TNRC6B: variants seen among roughly 807,000 people sequenced by gnomAD.
TNRC6B encodes the protein trinucleotide repeat-containing gene 6B protein.
TNRC6B carries 52 observed loss-of-function variants against 203.6 expected under a neutral mutation model. That is an observed-to-expected ratio of 0.26 (90% CI 0.20 to 0.32). TNRC6B has a LOEUF of 0.32. Among genes scored for constraint, TNRC6B ranks in the 10% least tolerant of loss-of-function variants. The pLI is 1.00. For synonymous variants in TNRC6B, 838 were observed against 845.7 expected, an observed-to-expected ratio of 0.99 and a Z score of 0.16; for missense variants, 1,923 against 2,286.2, an observed-to-expected ratio of 0.84 and a Z score of 3.24.
chr22:40,063,256 C>A (rs1314333511), intron 1 of TNRC6B, among the ~76,000 whole-genome samples: 1 of 152,162 alleles, frequency 6.6e-6, no homozygotes, highest in Non-Finnish European at 1.5e-5. Flanking sequence ...TTTGTAGATT[C>A]TCAATTCTAT....
intron 1 of TNRC6B, among the ~76,000 whole-genome samples, chr22:40,103,759 C>T (rs2146306996): frequency 6.6e-6 from 1 of 152,038 alleles, no homozygotes; most frequent in African/African-American, 2.4e-5. Flanking sequence ...TCTCCTGTCT[C>T]AGCCTCCCGA....
chr22:40,216,421 G>C (rs1434839857), intron 1 of TNRC6B, among the ~76,000 whole-genome samples: 1 of 151,972 alleles, frequency 6.6e-6, no homozygotes, highest in Non-Finnish European at 1.5e-5. Flanking sequence ...TTTTCTTGCT[G>C]CTGTGCCCCA....
intron 3 of TNRC6B, among the ~76,000 whole-genome samples, chr22:40,150,299 AC>A (rs2068738959): frequency 6.6e-6 from 1 of 152,110 alleles, no homozygotes; most frequent in Non-Finnish European, 1.5e-5. Flanking sequence ...AATGGCGTGA[AC>A]CCGGAAGGCA....
chr22:40,165,849 C>T (rs973814202), intron 4 of TNRC6B, among the ~76,000 whole-genome samples: 1 of 152,190 alleles, frequency 6.6e-6, no homozygotes, highest in Non-Finnish European at 1.5e-5. Context: ...TCAGTTACCT[C>T]CCACTGGGTC....
chr22:40,244,533 T>C (rs1050728631), intron 1 of TNRC6B, among the ~76,000 whole-genome samples: 1 of 152,074 alleles, frequency 6.6e-6, no homozygotes, highest in African/African-American at 2.4e-5. Context: ...TCATCCATGG[T>C]TCCTTTTGTA....
At chr22:40,270,331 T>TGGG (rs2070543584) in intron 6 of TNRC6B, 51 bp downstream of exon 6, 2 of 1,235,518 alleles carry the variant, frequency 1.6e-6, no homozygotes, top group Middle Eastern at 3.0e-4. Flanking sequence ...TTTTTTTTTT[T>TGGG]AATTGAGACG....
Position 40,115,342 on chromosome 22 carries a change from T to C in TNRC6B, c.-120-1713T>C, listed in dbSNP as rs56751212. On this transcript the variant is annotated intron_variant, in intron 1 of 23. Transcript: ENST00000301923. ...TTATTCTCTTGATAGTCTCTGCGGTTGACAAAAAATTAATGAATCCAGTCG... is the reference window on the plus strand; with the variant it reads ...TTATTCTCTTGATAGTCTCTGCGGTCGACAAAAAATTAATGAATCCAGTCG... Among the ~76,000 whole-genome samples the C allele has an allele frequency of 4.3e-3, 650 of 152,316 alleles. 4 individuals are homozygous for C. The highest frequency in any genetic ancestry group is 0.015 in the African/African-American group (623 of 41,564).
intron 4 of TNRC6B, among the ~76,000 whole-genome samples, chr22:40,159,924 G>C (rs1297799655): frequency 6.6e-6 from 1 of 151,564 alleles, no homozygotes; most frequent in Non-Finnish European, 1.5e-5. Flanking sequence ...GGATCTTTTT[G>C]CCTCAGCTTC....
intron 1 of TNRC6B, among the ~76,000 whole-genome samples, chr22:40,230,260 G>C (rs182828293): frequency 8.3e-6 from 1 of 121,212 alleles, no homozygotes; most frequent in East Asian, 2.3e-4. Flanking sequence ...CAAAGTGTCT[G>C]TTCAAATCTT....
chr22:40,093,371 G>C (rs1475430136), intron 1 of TNRC6B, among the ~76,000 whole-genome samples: 2 of 152,218 alleles, frequency 1.3e-5, no homozygotes, highest in Non-Finnish European at 2.9e-5. Context: ...AGTTCTAGGA[G>C]AATAGAAGCA....
upstream of TNRC6B, among the ~76,000 whole-genome samples, chr22:40,176,828 C>G (rs1444480401): frequency 6.6e-6 from 1 of 152,048 alleles, no homozygotes; most frequent in African/African-American, 2.4e-5. Context: ...AGAAGCCTTC[C>G]CAGGGTGGAG....
At chr22:40,298,318 G>A (rs1374504500) in intron 12 of TNRC6B, among the ~76,000 whole-genome samples, 1 of 152,102 alleles carries the variant, frequency 6.6e-6, no homozygotes, top group Non-Finnish European at 1.5e-5. Context: ...GTTCATGAAA[G>A]CACAGCTTTT....
At chr22:40,079,785 A>AT (rs907936460) in intron 1 of TNRC6B, among the ~76,000 whole-genome samples, 91 of 148,664 alleles carry the variant, frequency 6.1e-4, no homozygotes, top group African/African-American at 2.0e-3. Context: ...CACCTGGCTA[A>AT]TTTTTTTTTT....
intron 3 of TNRC6B, among the ~76,000 whole-genome samples, chr22:40,253,020 G>A (rs1020825933): frequency 6.6e-6 from 1 of 152,122 alleles, no homozygotes; most frequent in Non-Finnish European, 1.5e-5. Context: ...TAGTTGTGCT[G>A]TAGAACTGAG....
intron 3 of TNRC6B, among the ~76,000 whole-genome samples, chr22:40,139,789 G>A (rs1356604174): frequency 1.3e-5 from 2 of 152,124 alleles, no homozygotes; most frequent in East Asian, 3.8e-4. Flanking sequence ...ATTTCTCTTA[G>A]TTATATACCT....
chr22:40,231,071 G>A (rs953929524), intron 1 of TNRC6B, among the ~76,000 whole-genome samples: 1 of 151,714 alleles, frequency 6.6e-6, no homozygotes, highest in Non-Finnish European at 1.5e-5. Flanking sequence ...ATATATATCA[G>A]TGTATTTGTG....
intron 3 of TNRC6B, among the ~76,000 whole-genome samples, chr22:40,136,779 T>A (rs754710484): frequency 6.6e-6 from 1 of 152,152 alleles, no homozygotes; most frequent in Non-Finnish European, 1.5e-5. Flanking sequence ...GCTATATATT[T>A]AAGTACCCAC....
intron 3 of TNRC6B, among the ~76,000 whole-genome samples, chr22:40,253,832 T>C (rs957500718): frequency 6.6e-6 from 1 of 151,692 alleles, no homozygotes; most frequent in South Asian, 2.1e-4. Flanking sequence ...TCTTCTTCTC[T>C]TACCTCAGCT....
chr22:40,162,028 C>G (rs984441581), intron 4 of TNRC6B, among the ~76,000 whole-genome samples: 2 of 152,204 alleles, frequency 1.3e-5, no homozygotes, highest in East Asian at 3.9e-4. Context: ...TTGATTTGGT[C>G]TTATTTATAT....
Sources: allele counts gnomAD v4.1 joint callset (sites outside exome capture counted in the v4.1 genomes callset), GRCh38; gene constraint gnomAD v4.1.1; transcripts MANE v1.5; gene names NCBI Gene and HGNC (gene_info 2026-07-23, HGNC 2026-07-21).